The following CCDC88A variants were observed in gnomAD, a reference collection of about 807,000 sequenced individuals.
CCDC88A encodes the protein girdin.
CCDC88A carries 54 observed loss-of-function variants against 234.3 expected under a neutral mutation model. That is an observed-to-expected ratio of 0.23 (90% CI 0.19 to 0.29). The LOEUF is 0.29. Among genes scored for constraint, CCDC88A ranks in the 10% least tolerant of loss-of-function variants. The pLI is 1.00. For missense variants in CCDC88A, 1,832 were observed against 2,123.4 expected (o/e 0.86, Z 2.70); for synonymous variants, 753 against 737.8 (o/e 1.02, Z -0.33).
chr2:55,319,083 T>C, intron 18 of CCDC88A, 79 bp from the exon 19 acceptor site: 4 of 1,140,626 alleles, frequency 3.5e-6, no homozygotes, highest in Non-Finnish European at 4.9e-6. Context: ...TACTGAATTT[T>C]ATACAATGAG....
At position 55,322,546 on chromosome 2, in the gene CCDC88A, T is replaced by A; in HGVS notation, c.3144A>T (p.Leu1048Phe). The change falls in exon 18 of 33, where the codon TTA (leucine) becomes TTT (phenylalanine). Residue 1048 changes from leucine (L) to phenylalanine (F), a missense_variant. Leu to Phe is a conservative substitution (Grantham distance 22). Transcript: ENST00000436346. ...TRELLKVKDR[L>F]IEVERNNATL... ...TACTTACATTTCTTTCTACTTCAAT[T>A]AATCTGTCTTTAACTTTCAGAAGTT... is the stretch of plus-strand genomic sequence containing the variant. 1 of 1,589,662 alleles carries A rather than the reference T, an allele frequency of 6.3e-7. No homozygotes were observed. The highest frequency in any genetic ancestry group is 8.6e-7 in the Non-Finnish European group (1 of 1,167,280).
At chr2:55,397,384 C>G (rs2867177) in intron 2 of CCDC88A, 1 of 151,968 alleles carries the variant, frequency 6.6e-6, no homozygotes, top group Non-Finnish European at 1.5e-5. Context: ...CGTAAGCCAC[C>G]GTGTCCAACC....
chr2:55,388,585 AAATT>A, intron 3 of CCDC88A, 189 bp downstream of exon 3: 1 of 328,592 alleles, frequency 3.0e-6, no homozygotes, highest in East Asian at 5.3e-5. Context: ...TAACATTAGA[AAATT>A]ATTAAATGCT....
intron 5 of CCDC88A, among the ~76,000 whole-genome samples, chr2:55,369,044 C>CT (rs1404534505): frequency 2.0e-5 from 3 of 151,624 alleles, no homozygotes; most frequent in Non-Finnish European, 1.5e-5. Context: ...TAATTTTTTT[C>CT]TTTTTTTTGA....
intron 5 of CCDC88A, among the ~76,000 whole-genome samples, chr2:55,366,251 C>T (rs866970653): frequency 6.6e-6 from 1 of 152,172 alleles, no homozygotes; most frequent in South Asian, 2.1e-4. Flanking sequence ...GGAGGCCAGG[C>T]GTGATGGCTC....
rs891986332 is a variant in CCDC88A, at chr2:55,332,752, A to C, written c.2728-59T>G. 41 of 1,490,546 alleles carry C rather than the reference A, an allele frequency of 2.8e-5. No individual in the cohort carries two copies. Among genetic ancestry groups the C allele is most frequent in the Non-Finnish European group, 3.6e-5 (39 of 1,079,802 alleles). 92.3% of individuals were successfully genotyped at this position (1,490,546 alleles called of 1,614,324 possible). On this transcript the variant is annotated intron_variant, in intron 15 of 32. Transcript: ENST00000436346. The surrounding 1 kb of genome is among the most constrained non-coding windows in gnomAD (Gnocchi z 4.5). Reference sequence around the variant, plus strand: ...TGTCAAGGGTATAAACATCTAAGAAAGTCAGCTAAGATTCTAATTACCACC... The same window carrying C: ...TGTCAAGGGTATAAACATCTAAGAACGTCAGCTAAGATTCTAATTACCACC...
At chr2:55,385,966 G>C (rs1437375639) in intron 3 of CCDC88A, among the ~76,000 whole-genome samples, 2 of 150,704 alleles carry the variant, frequency 1.3e-5, no homozygotes, top group Non-Finnish European at 2.9e-5. Flanking sequence ...GCTCACACCT[G>C]TAATCCCAAC....
At chr2:55,311,717 G>A (rs1242629687) in intron 23 of CCDC88A, among the ~76,000 whole-genome samples, 1 of 152,152 alleles carries the variant, frequency 6.6e-6, no homozygotes, top group Non-Finnish European at 1.5e-5. Context: ...TGAATCATCG[G>A]GTAGTAATAC....
chr2:55,418,780 A>G, intron 2 of CCDC88A, 36 bp downstream of exon 2: 1 of 1,534,600 alleles, frequency 6.5e-7, no homozygotes, highest in Non-Finnish European at 9.0e-7. Context: ...CTATTTCTCA[A>G]AGAAAACGTT....
chr2:55,296,188 C>G, intron 30 of CCDC88A, 70 bp downstream of exon 30: 2 of 1,364,128 alleles, frequency 1.5e-6, no homozygotes, highest in South Asian at 1.4e-5. Flanking sequence ...AAAAAAAGCT[C>G]TGAAGTTCAA....
intron 8 of CCDC88A, among the ~76,000 whole-genome samples, chr2:55,352,578 T>G (rs1453524022): frequency 2.6e-5 from 4 of 152,200 alleles, no homozygotes. Context: ...TCAATAAGTC[T>G]TTTATTTTTT....
Position 55,336,744 on chromosome 2 carries a change from T to G in CCDC88A, c.1593A>C (p.Leu531=). The change falls in exon 14 of 33, where the codon CTA becomes CTC. Residue 531 remains leucine, a synonymous_variant. Coordinates refer to ENST00000436346, the MANE Select transcript of CCDC88A (RefSeq NM_001365480.1). ...TTTCAAGCTGAGCTTTCTCCTTCAT[T>G]AGATCCTTGCTTAAATTCTGACAAT... The part of the protein sequence containing the change: ...LQNCQNLSKD[L]MKEKAQLEKT... The G allele has an allele frequency of 6.3e-7, 1 of 1,598,458 alleles. No homozygotes were observed. Among genetic ancestry groups the G allele is most frequent in the East Asian group, 2.3e-5 (1 of 44,152 alleles).
intron 32 of CCDC88A, 27 bp downstream of exon 32, chr2:55,291,649 C>A: frequency 9.6e-7 from 1 of 1,043,338 alleles, no homozygotes; most frequent in South Asian, 1.4e-5. Flanking sequence ...AGACTAATCT[C>A]ATTTACATTT....
At chr2:55,381,255 C>A (rs1295544398) in intron 3 of CCDC88A, among the ~76,000 whole-genome samples, 1 of 152,118 alleles carries the variant, frequency 6.6e-6, no homozygotes, top group East Asian at 1.9e-4. Flanking sequence ...CCTAATGACA[C>A]ATTTTTCAGA....
chr2:55,364,930 G>C (rs546594157), intron 5 of CCDC88A, among the ~76,000 whole-genome samples: 46 of 151,992 alleles, frequency 3.0e-4, no homozygotes, highest in African/African-American at 9.9e-4. Flanking sequence ...GCATCTCCTG[G>C]GCCAATTACT....
At chr2:55,371,852 A>C (rs1558761242) in intron 5 of CCDC88A, among the ~76,000 whole-genome samples, 1 of 152,122 alleles carries the variant, frequency 6.6e-6, no homozygotes, top group Non-Finnish European at 1.5e-5. Context: ...TAAAAACTTA[A>C]ATATTACCCT....
Position 55,328,121 on chromosome 2 carries a change from C to A in CCDC88A, c.2997+173G>T, listed in dbSNP as rs112553078. 3.0e-3 allele frequency among the ~76,000 whole-genome samples: 459 copies of A among 152,178 alleles called. 3 individuals are homozygous for A. Among genetic ancestry groups the A allele is most frequent in the African/African-American group, 9.3e-3 (388 of 41,524 alleles). ...ATGAAATAGCACTGAATAAGCTATA[C>A]CATATTCATATGACAGAGATCTGTT... On this transcript the variant is annotated intron_variant, in intron 17 of 32. Transcript: ENST00000436346. The surrounding 1 kb of genome is among the most constrained non-coding windows in gnomAD (Gnocchi z 4.3).
chr2:55,300,845 CAG>C lies in CCDC88A; in HGVS notation c.4744+359_4744+360del, dbSNP rs368805045. 1.4e-4 allele frequency: 24 copies of C among 171,566 alleles called. No homozygotes were observed. In the East Asian group the frequency reaches 3.9e-3, roughly 28 times the overall value. The allele number at this position is 171,566 out of a possible 1,614,324, so 10.6% of individuals were successfully genotyped here. A position where few individuals can be genotyped will look rare whatever the true frequency, so the allele number is the denominator to read the frequency against. On this transcript the variant is annotated intron_variant, in intron 28 of 32. Transcript: ENST00000436346. ...GTTTCTTAAAGTTCATCCTTTAAAA[CAG>C]ATATTTTTAATATTTTAAACTAATA...
At chr2:55,400,633 A>T (rs577266190) in intron 2 of CCDC88A, among the ~76,000 whole-genome samples, 7 of 152,244 alleles carry the variant, frequency 4.6e-5, no homozygotes, top group Non-Finnish European at 1.0e-4. Flanking sequence ...TGCAACGCTA[A>T]TACTCTGAGA....
Sources: gnomAD v4.1 joint callset for allele counts (sites outside exome capture counted in the v4.1 genomes callset) on GRCh38, gnomAD v4.1.1 for gene constraint, Gnocchi (gnomAD v3.1) non-coding constraint, MANE v1.5 for transcripts, NCBI Gene and HGNC (gene_info 2026-07-23, HGNC 2026-07-21) for gene names.